The following PABPC4L variants were observed in gnomAD, a reference collection of about 807,000 sequenced individuals.
The protein encoded by PABPC4L is polyadenylate-binding protein 4-like.
For synonymous variants in PABPC4L, 169 were observed against 164.1 expected (o/e 1.03, Z -0.23); for missense variants, 452 against 451.4 (o/e 1.00, Z -0.01).
chr4:134,025,648 C>A, the PABPC4L span, among the ~76,000 whole-genome samples: 2 of 152,202 alleles, frequency 1.3e-5, no homozygotes, highest in African/African-American at 4.8e-5. Context: ...TTTTATCATG[C>A]ACCCCACAAC....
At chr4:134,141,156 T>C in the PABPC4L span, among the ~76,000 whole-genome samples, 1 of 151,708 alleles carries the variant, frequency 6.6e-6, no homozygotes, top group East Asian at 1.9e-4. Context: ...GATATGCTTT[T>C]CCTGAAAATA....
At chr4:134,158,476 A>T in the PABPC4L span, among the ~76,000 whole-genome samples, 1 of 152,046 alleles carries the variant, frequency 6.6e-6, no homozygotes, top group Admixed American at 6.6e-5. Flanking sequence ...TTACACTAGA[A>T]GGTAAATTTA....
the PABPC4L span, among the ~76,000 whole-genome samples, chr4:134,002,548 G>C: frequency 6.6e-6 from 1 of 151,648 alleles, no homozygotes; most frequent in Non-Finnish European, 1.5e-5. Flanking sequence ...TTGTTGTTTT[G>C]TTTTTTATGT....
the PABPC4L span, among the ~76,000 whole-genome samples, chr4:133,950,966 G>A: frequency 1.3e-3 from 203 of 152,264 alleles, 2 homozygotes; most frequent in African/African-American, 4.5e-3. Flanking sequence ...TTTGGGATTA[G>A]TATACATAAT....
the PABPC4L span, among the ~76,000 whole-genome samples, chr4:133,955,106 C>A: frequency 6.6e-6 from 1 of 151,840 alleles, no homozygotes; most frequent in East Asian, 1.9e-4. Flanking sequence ...AAATTGATCA[C>A]TCAAGTCAAT....
At chr4:134,166,921 C>T in the PABPC4L span, among the ~76,000 whole-genome samples, 1 of 152,164 alleles carries the variant, frequency 6.6e-6, no homozygotes, top group East Asian at 1.9e-4. Context: ...CCATTCTTCT[C>T]TTTGCTTCAA....
the PABPC4L span, among the ~76,000 whole-genome samples, chr4:134,002,961 A>G: frequency 6.6e-6 from 1 of 151,910 alleles, no homozygotes; most frequent in Admixed American, 6.6e-5. Context: ...AAACTGCAAA[A>G]CTAGGAAAAA....
chr4:134,084,454 G>A, the PABPC4L span, among the ~76,000 whole-genome samples: 67 of 151,770 alleles, frequency 4.4e-4, no homozygotes, highest in Non-Finnish European at 7.5e-4. Context: ...TTCAAGCATC[G>A]GAATTTTGAT....
chr4:134,017,838 C>T, the PABPC4L span, among the ~76,000 whole-genome samples: 15 of 152,094 alleles, frequency 9.9e-5, no homozygotes, highest in South Asian at 1.2e-3. Context: ...GTTCCCATGC[C>T]GCCCCTAATC....
the PABPC4L span, among the ~76,000 whole-genome samples, chr4:134,113,062 T>A: frequency 1.3e-5 from 2 of 151,814 alleles, no homozygotes; most frequent in South Asian, 2.1e-4. Flanking sequence ...TGGAAAAAAA[T>A]TTATAGAATA....
the PABPC4L span, among the ~76,000 whole-genome samples, chr4:134,136,360 TCA>T: frequency 1.3e-5 from 2 of 152,176 alleles, no homozygotes; most frequent in Non-Finnish European, 2.9e-5. Context: ...GTAGACTTTG[TCA>T]CATTGTCTTC....
At chr4:134,020,498 T>C in the PABPC4L span, among the ~76,000 whole-genome samples, 1 of 152,114 alleles carries the variant, frequency 6.6e-6, no homozygotes, top group African/African-American at 2.4e-5. Context: ...ATTTGTTCCC[T>C]TAACCTTAAA....
chr4:133,962,405 A>C, the PABPC4L span, among the ~76,000 whole-genome samples: 1 of 152,258 alleles, frequency 6.6e-6, no homozygotes, highest in Non-Finnish European at 1.5e-5. Context: ...TGACGGGAGA[A>C]ATATCCAAGG....
At chr4:134,143,998 T>G in the PABPC4L span, among the ~76,000 whole-genome samples, 1 of 151,632 alleles carries the variant, frequency 6.6e-6, no homozygotes, top group Non-Finnish European at 1.5e-5. Flanking sequence ...CAATTGATTT[T>G]ATTTTGAAAA....
At chr4:134,063,990 A>G in the PABPC4L span, among the ~76,000 whole-genome samples, 8 of 152,058 alleles carry the variant, frequency 5.3e-5, no homozygotes, top group Non-Finnish European at 1.2e-4. Flanking sequence ...TATTCCTAAA[A>G]CATTTATGGT....
the PABPC4L span, among the ~76,000 whole-genome samples, chr4:134,074,779 A>T: frequency 6.6e-6 from 1 of 152,172 alleles, no homozygotes; most frequent in Non-Finnish European, 1.5e-5. Context: ...AGGTGGAAGC[A>T]AAAAGTGGAA....
chr4:134,029,183 G>A, the PABPC4L span, among the ~76,000 whole-genome samples: 2 of 152,088 alleles, frequency 1.3e-5, no homozygotes, highest in Admixed American at 6.6e-5. Flanking sequence ...TATAGATAAT[G>A]AGAAATCAAA....
At chr4:134,145,820 T>C in the PABPC4L span, among the ~76,000 whole-genome samples, 2 of 152,024 alleles carry the variant, frequency 1.3e-5, no homozygotes, top group African/African-American at 4.8e-5. Flanking sequence ...CTATAATAAA[T>C]ATTCATTACA....
the PABPC4L span, among the ~76,000 whole-genome samples, chr4:134,127,344 A>G: frequency 6.6e-6 from 1 of 152,174 alleles, no homozygotes; most frequent in Admixed American, 6.6e-5. Flanking sequence ...GAGGACTACC[A>G]ACACAAAACC....
Sources: gnomAD v4.1 joint callset for allele counts (sites outside exome capture counted in the v4.1 genomes callset) on GRCh38, gnomAD v4.1.1 for gene constraint, MANE v1.5 for transcripts, NCBI Gene and HGNC (gene_info 2026-07-23, HGNC 2026-07-21) for gene names.